The following KIAA2012 variants were observed in gnomAD, a reference collection of about 807,000 sequenced individuals.
The protein encoded by KIAA2012 is KIAA2012.
A neutral mutation model predicts 150.6 loss-of-function variants in KIAA2012; 125 were observed. That is an observed-to-expected ratio of 0.83 (90% CI 0.72 to 0.96). KIAA2012 has a LOEUF of 0.96. Among genes scored for constraint, KIAA2012 ranks in the 40% least tolerant of loss-of-function variants. The pLI, the probability that KIAA2012 is intolerant of heterozygous loss-of-function variation, is 0.00. For synonymous variants in KIAA2012, 462 were observed against 504.7 expected (o/e 0.92, Z 1.13); for missense variants, 1,219 against 1,354.9 (o/e 0.90, Z 1.57).
At chr2:202,107,968 C>CA (rs1396791629) in intron 9 of KIAA2012, among the ~76,000 whole-genome samples, 1 of 152,108 alleles carries the variant, frequency 6.6e-6, no homozygotes, top group East Asian at 1.9e-4. Context: ...AAGATCACGC[C>CA]ACTGTACTCC....
At chr2:202,167,256 T>G (rs1427697668) in intron 15 of KIAA2012, among the ~76,000 whole-genome samples, 1 of 152,228 alleles carries the variant, frequency 6.6e-6, no homozygotes, top group East Asian at 1.9e-4. Context: ...TTTCAATTCT[T>G]GTTTATTTCC....
At chr2:202,080,661 A>C (rs1308735978) in intron 2 of KIAA2012, among the ~76,000 whole-genome samples, 1 of 146,634 alleles carries the variant, frequency 6.8e-6, no homozygotes, top group East Asian at 2.0e-4. Flanking sequence ...ATGCCATTGC[A>C]CTCCAAACTG....
In KIAA2012 at chr2:202,116,090, T is replaced by C. The variant is rs141568326; in HGVS notation, c.1762+2644T>C. 2.6e-5 allele frequency: 4 copies of C among 152,328 alleles called. No individual in the cohort carries two copies. In the East Asian group the frequency reaches 7.7e-4, roughly 29 times the overall value. The allele number at this position is 152,328 out of a possible 1,614,324, so 9.4% of individuals were successfully genotyped here. A position where few individuals can be genotyped will look rare whatever the true frequency, so the allele number is the denominator to read the frequency against. ...TTATCCTTGATTCAAATCCTTCATC[T>C]ACTCCCCTAGTCACAGTGCCAGCAA... On this transcript the variant is annotated intron_variant, in intron 11 of 23. Transcript: ENST00000498697.
At chr2:202,186,757 A>C (rs1692235805) in intron 16 of KIAA2012, among the ~76,000 whole-genome samples, 176 bp from the exon 17 acceptor site, 2 of 152,236 alleles carry the variant, frequency 1.3e-5, no homozygotes, top group African/African-American at 4.8e-5. Context: ...AGTGAAGACC[A>C]ATCTTTCTCA....
intron 15 of KIAA2012, among the ~76,000 whole-genome samples, chr2:202,173,389 G>C (rs1004658546): frequency 2.0e-5 from 3 of 152,108 alleles, no homozygotes; most frequent in Non-Finnish European, 2.9e-5. Context: ...GACCAACATG[G>C]AGAAACCCCG....
intron 21 of KIAA2012, among the ~76,000 whole-genome samples, chr2:202,196,247 T>C (rs1692412530): frequency 7.1e-6 from 1 of 141,338 alleles, no homozygotes; most frequent in Non-Finnish European, 1.5e-5. Flanking sequence ...AAGGCTTGAG[T>C]GCAACGGCGC....
At chr2:202,074,832 A>G (rs1689286028) in intron 1 of KIAA2012, 59 bp from the exon 2 acceptor site, 1 of 1,470,382 alleles carries the variant, frequency 6.8e-7, no homozygotes, top group South Asian at 1.4e-5. Flanking sequence ...CACAAGCAGT[A>G]TTTGCTATAG....
At chr2:202,201,927 TATC>T in intron 22 of KIAA2012, 1 of 817,912 alleles carries the variant, frequency 1.2e-6, no homozygotes, top group African/African-American at 1.7e-5. Flanking sequence ...CAGGGACGGT[TATC>T]TTTTCCGTCC....
chr2:202,133,126 A>ATT (rs1471401894), intron 12 of KIAA2012, among the ~76,000 whole-genome samples: 8 of 72,538 alleles, frequency 1.1e-4, no homozygotes, highest in African/African-American at 4.5e-4. Flanking sequence ...ATATATATAT[A>ATT]TATATTTTTT....
chr2:202,095,893 G>T (rs1689859260), intron 4 of KIAA2012, among the ~76,000 whole-genome samples: 1 of 152,156 alleles, frequency 6.6e-6, no homozygotes, highest in East Asian at 1.9e-4. Flanking sequence ...AGACCAGTCT[G>T]GCCAACATGG....
chr2:202,088,947 G>T (rs558180519), intron 2 of KIAA2012, among the ~76,000 whole-genome samples: 2 of 152,266 alleles, frequency 1.3e-5, no homozygotes, highest in South Asian at 4.1e-4. Flanking sequence ...GTTCCCATGA[G>T]GCAGAGCAGG....
chr2:202,097,614 G>C, intron 5 of KIAA2012, 37 bp downstream of exon 5: 1 of 1,538,438 alleles, frequency 6.5e-7, no homozygotes, highest in Non-Finnish European at 8.7e-7. Context: ...CCCCGAGACG[G>C]AGTCTCACTC....
intron 16 of KIAA2012, among the ~76,000 whole-genome samples, chr2:202,186,507 G>T (rs557971974): frequency 4.0e-5 from 5 of 123,784 alleles, no homozygotes; most frequent in African/African-American, 1.7e-4. Context: ...GCGAGACTCC[G>T]TCTCAAAAAA....
At chr2:202,109,826 G>A (rs985419093) in intron 10 of KIAA2012, 37 bp downstream of exon 10, 4 of 1,484,678 alleles carry the variant, frequency 2.7e-6, no homozygotes, top group Admixed American at 5.0e-5. Context: ...CCCCCCACTG[G>A]CTTGAATGTG....
rs186572269 is a variant in KIAA2012, at chr2:202,192,537, A to C, written c.2812-764A>C. ...CAATGGCGCAATCTCGGCTCACCGCAACCTCTGCCTCCCGGGTTCAAGCAA... is the reference window on the plus strand; with the variant it reads ...CAATGGCGCAATCTCGGCTCACCGCCACCTCTGCCTCCCGGGTTCAAGCAA... On this transcript the variant is annotated intron_variant, in intron 19 of 23. Transcript: ENST00000498697. Among the ~76,000 whole-genome samples the C allele has an allele frequency of 3.2e-4, 47 of 149,044 alleles. No individual in the cohort carries two copies. In the East Asian group the frequency reaches 8.7e-3, roughly 27 times the overall value.
At chr2:202,201,487 G>A in intron 22 of KIAA2012, 1 of 1,602,480 alleles carries the variant, frequency 6.2e-7, no homozygotes. Flanking sequence ...GCAGCACTGG[G>A]AGGGCATCCA....
At position 202,202,452 on chromosome 2, in the gene KIAA2012, A is replaced by G; in HGVS notation, c.3431A>G (p.His1144Arg). 1 of 399,724 alleles carries G rather than the reference A, an allele frequency of 2.5e-6. No homozygotes were observed. Among genetic ancestry groups the G allele is most frequent in the Admixed American group, 4.4e-5 (1 of 22,794 alleles). The allele number at this position is 399,724 out of a possible 1,614,324, so 24.8% of individuals were successfully genotyped here. Residue 1144 changes from histidine (H) to arginine (R), a missense_variant, in exon 23 of 24, where the codon CAT (histidine) becomes CGT (arginine). Coordinates refer to ENST00000498697, the MANE Select transcript of KIAA2012 (RefSeq NM_001277372.4). The part of the protein sequence containing the change: ...QARQKAALEK[H>R]FHFYQELHKE... ...AGGCAAAAAGCTGCTTTGGAGAAAC[A>G]TTTTCATTTCTATCAAGAACTCCAT... is the stretch of plus-strand genomic sequence containing the variant.
At chr2:202,167,807 G>A (rs893043405) in intron 15 of KIAA2012, among the ~76,000 whole-genome samples, 4 of 152,052 alleles carry the variant, frequency 2.6e-5, no homozygotes, top group Middle Eastern at 3.4e-3. Context: ...CTGCACCACT[G>A]CACTCCAGCC....
Position 202,113,339 on chromosome 2 carries a change from A to T in KIAA2012, c.1655A>T (p.Asp552Val). Residue 552 changes from aspartate to valine, a missense_variant, in exon 11 of 24, where the codon GAT becomes GTT. Physicochemically the swap from Asp to Val is radical, Grantham distance 152. Transcript: ENST00000498697. ...PRRALPAAQE[D>V]SSDPTLGHFL... Reference sequence around the variant, plus strand: ...TATGCTTGTGCTTATTTTCAAGAAGATTCCAGCGACCCTACACTGGGACAC... The same window carrying T: ...TATGCTTGTGCTTATTTTCAAGAAGTTTCCAGCGACCCTACACTGGGACAC... 1 of 1,550,314 alleles carries T rather than the reference A, an allele frequency of 6.5e-7. No homozygotes were observed. The highest frequency in any genetic ancestry group is 8.7e-7 in the Non-Finnish European group (1 of 1,146,576).
Sources: allele counts gnomAD v4.1 joint callset (sites outside exome capture counted in the v4.1 genomes callset), GRCh38; gene constraint gnomAD v4.1.1; transcripts MANE v1.5; gene names NCBI Gene and HGNC (gene_info 2026-07-23, HGNC 2026-07-21).